The following NR2F1-AS1 variants were observed in gnomAD, a reference collection of about 807,000 sequenced individuals.
NR2F1-AS1 encodes NR2F1 regulatory antisense RNA 1.
upstream of NR2F1-AS1, among the ~76,000 whole-genome samples, chr5:93,581,696 CT>C (rs1240135977): frequency 6.6e-5 from 4 of 60,414 alleles, no homozygotes; most frequent in Non-Finnish European, 9.6e-5. Context: ...CTCTCTCTCT[CT>C]CTCTCTCTCT....
chr5:93,432,711 A>G (rs572122498), intron 4 of NR2F1-AS1, among the ~76,000 whole-genome samples: 6 of 152,240 alleles, frequency 3.9e-5, no homozygotes, highest in African/African-American at 1.4e-4. Flanking sequence ...AACTTCACAA[A>G]GCACCCTGCC....
chr5:93,561,838 T>A (rs972710526), intron 2 of NR2F1-AS1, among the ~76,000 whole-genome samples: 2 of 152,238 alleles, frequency 1.3e-5, no homozygotes, highest in Non-Finnish European at 2.9e-5. Context: ...ATGTTTTGCC[T>A]TTATTCTTAG....
upstream of NR2F1-AS1, chr5:93,585,585 C>G (rs533917207): frequency 8.3e-4 from 795 of 952,794 alleles, 5 homozygotes; most frequent in African/African-American, 0.012. Flanking sequence ...GGCTGGGGCT[C>G]CTGTGGTCCC....
intron 4 of NR2F1-AS1, among the ~76,000 whole-genome samples, chr5:93,550,753 C>A (rs1221563682): frequency 6.6e-6 from 1 of 151,992 alleles, no homozygotes; most frequent in Non-Finnish European, 1.5e-5. Flanking sequence ...TGTAGTTTTC[C>A]TGAAATAAAG....
At chr5:93,543,401 T>A (rs1048338762) in intron 4 of NR2F1-AS1, 6 of 152,072 alleles carry the variant, frequency 3.9e-5, no homozygotes, top group Admixed American at 3.9e-4. Context: ...ACAAAAAAAA[T>A]GGAAAAGTAA....
chr5:93,414,490 TA>T (rs1267788475), intron 4 of NR2F1-AS1, among the ~76,000 whole-genome samples: 1 of 152,212 alleles, frequency 6.6e-6, no homozygotes, highest in Non-Finnish European at 1.5e-5. Flanking sequence ...AACATGCCTG[TA>T]GAAGAGAAGT....
At chr5:93,564,101 CAAAAAAAAAAAAAAAAAAAAAAAAAAAAA>C (rs60114975) in intron 1 of NR2F1-AS1, among the ~76,000 whole-genome samples, 1,205 of 25,250 alleles carry the variant, frequency 0.048, 47 homozygotes, top group African/African-American at 0.12. Context: ...GACTCCGTCT[CAAAAAAAAAAAAAAAAAAAAAAAAAAAAA>C]AAAAAAAAAA....
intron 4 of NR2F1-AS1, among the ~76,000 whole-genome samples, chr5:93,479,271 G>T (rs1750551332): frequency 6.6e-6 from 1 of 152,156 alleles, no homozygotes. Context: ...TCACTGAGGG[G>T]CCAGTACAGA....
At chr5:93,416,388 C>T (rs958852426) in intron 4 of NR2F1-AS1, among the ~76,000 whole-genome samples, 3 of 152,040 alleles carry the variant, frequency 2.0e-5, no homozygotes, top group African/African-American at 7.2e-5. Context: ...GCCATTTTTC[C>T]TTCTCTATAA....
At chr5:93,547,403 T>C (rs1752113805) in intron 4 of NR2F1-AS1, among the ~76,000 whole-genome samples, 1 of 152,202 alleles carries the variant, frequency 6.6e-6, no homozygotes, top group African/African-American at 2.4e-5. Flanking sequence ...CCAACATCTA[T>C]CACCATTAAT....
At chr5:93,479,813 G>A (rs1157813803) in intron 4 of NR2F1-AS1, among the ~76,000 whole-genome samples, 4 of 151,638 alleles carry the variant, frequency 2.6e-5, no homozygotes, top group Non-Finnish European at 5.9e-5. Context: ...ATATATAAAA[G>A]AGTAAGAAAT....
intron 4 of NR2F1-AS1, among the ~76,000 whole-genome samples, chr5:93,448,196 A>T (rs913184345): frequency 4.0e-5 from 6 of 150,008 alleles, no homozygotes; most frequent in African/African-American, 1.5e-4. Flanking sequence ...CTTAAAGTAT[A>T]AAAAAAAAAT....
At chr5:93,575,208 G>C (rs964911444) in intron 1 of NR2F1-AS1, among the ~76,000 whole-genome samples, 1 of 152,256 alleles carries the variant, frequency 6.6e-6, no homozygotes, top group African/African-American at 2.4e-5. Flanking sequence ...AACATGGGGT[G>C]GGGGGAGCAT....
intron 4 of NR2F1-AS1, among the ~76,000 whole-genome samples, chr5:93,545,073 A>G (rs1224257267): frequency 6.6e-6 from 1 of 152,188 alleles, no homozygotes; most frequent in Non-Finnish European, 1.5e-5. Flanking sequence ...ATTGGATATT[A>G]AAGACTTAGT....
intron 4 of NR2F1-AS1, among the ~76,000 whole-genome samples, chr5:93,442,543 A>C (rs1048586403): frequency 6.6e-6 from 1 of 152,128 alleles, no homozygotes; most frequent in Admixed American, 6.5e-5. Flanking sequence ...AGTGGCTGGG[A>C]AGCTCAAACT....
chr5:93,558,896 C>T (rs759050089), intron 2 of NR2F1-AS1, among the ~76,000 whole-genome samples: 2 of 152,092 alleles, frequency 1.3e-5, no homozygotes, highest in Non-Finnish European at 2.9e-5. Flanking sequence ...TTTGCTGTTC[C>T]GTTTAAAAAG....
At chr5:93,500,468 G>T (rs1003217073) in intron 4 of NR2F1-AS1, among the ~76,000 whole-genome samples, 5 of 150,428 alleles carry the variant, frequency 3.3e-5, no homozygotes, top group Non-Finnish European at 7.4e-5. Flanking sequence ...ATTGCTCAGG[G>T]GAAAAAAAAA....
intron 4 of NR2F1-AS1, among the ~76,000 whole-genome samples, chr5:93,456,116 A>C (rs535412666): frequency 1.3e-5 from 2 of 152,224 alleles, no homozygotes; most frequent in Non-Finnish European, 2.9e-5. Flanking sequence ...ACAGATTGGA[A>C]AGGAAATAAT....
At chr5:93,463,865 T>C (rs894071976) in intron 4 of NR2F1-AS1, among the ~76,000 whole-genome samples, 6 of 152,224 alleles carry the variant, frequency 3.9e-5, no homozygotes, top group Non-Finnish European at 5.9e-5. Flanking sequence ...CCATTGGATC[T>C]AGAAAGTAAC....
Sources: gnomAD v4.1 joint callset for allele counts (sites outside exome capture counted in the v4.1 genomes callset) on GRCh38, gnomAD v4.1.1 for gene constraint, MANE v1.5 for transcripts, NCBI Gene and HGNC (gene_info 2026-07-23, HGNC 2026-07-21) for gene names.